Variants in RP1L1 observed in about 807,000 individuals in gnomAD.
RP1L1 encodes the protein retinitis pigmentosa 1-like 1 protein.
RP1L1 carries 27 observed loss-of-function variants against 15.7 expected under a neutral mutation model. The observed-to-expected ratio is 1.72, with a 90% CI of 1.27 to 2.38. RP1L1 has a LOEUF of 2.38. Ranked by LOEUF, RP1L1 falls within the 30% of genes most tolerant of loss-of-function variation. The probability of loss-of-function intolerance (pLI) is 0.00; values close to 1 mark genes in which losing one functional copy is unlikely to be tolerated. For missense variants in RP1L1, 4,798 were observed against 3,075.9 expected, an observed-to-expected ratio of 1.56 and a Z score of -13.24; for synonymous variants, 1,813 against 1,276.7, an observed-to-expected ratio of 1.42 and a Z score of -8.96.
At chr8:10,652,626 T>C (rs1798579286) in intron 1 of RP1L1, among the ~76,000 whole-genome samples, 1 of 152,030 alleles carries the variant, frequency 6.6e-6, no homozygotes, top group Non-Finnish European at 1.5e-5. Context: ...CCAAATTCAA[T>C]GCTTTTGGCT....
In RP1L1 at chr8:10,612,740, G is replaced by A. The variant is rs373774566; in HGVS notation, c.1358C>T (p.Ala453Val). ...AGRERCSQDS[A>V]SPASSTGLPE... ...GAGGCCGGTGCTGGAGGCTGGGCTGGCACTGTCCTGGCTGCATCTCTCCCT... is the reference window on the plus strand; with the variant it reads ...GAGGCCGGTGCTGGAGGCTGGGCTGACACTGTCCTGGCTGCATCTCTCCCT... The change falls in exon 4 of 4, where the codon GCC becomes GTC. Residue 453 changes from alanine to valine, a missense_variant. Ala to Val is a moderately conservative substitution (Grantham distance 64). Transcript: ENST00000382483. 9.0e-5 allele frequency: 145 copies of A among 1,607,216 alleles called. No individual in the cohort carries two copies. The African/African-American group carries it at 1.7e-3, about 19-fold the overall frequency.
Position 10,651,971 on chromosome 8 carries a change from C to A in RP1L1, c.-20+2927G>T, listed in dbSNP as rs1798569686. Among the ~76,000 whole-genome samples the A allele has an allele frequency of 2.0e-5, 3 of 152,108 alleles. No homozygotes were observed. The South Asian group carries it at 6.2e-4, about 32-fold the overall frequency. ...ATACTGTATCTGTACTGTTTCTTTT[C>A]CATGTTTAGAAACACAGATATTTCA... is the stretch of plus-strand genomic sequence containing the variant. On this transcript the variant is annotated intron_variant, in intron 1 of 3. Coordinates refer to ENST00000382483, the MANE Select transcript of RP1L1 (RefSeq NM_178857.6).
chr8:10,645,346 A>G (rs1345701065), intron 1 of RP1L1, among the ~76,000 whole-genome samples: 1 of 152,124 alleles, frequency 6.6e-6, no homozygotes, highest in Non-Finnish European at 1.5e-5. Flanking sequence ...CAAATGAACA[A>G]ACAAAAATAT....
chr8:10,625,683 T>G (rs1798145372), intron 1 of RP1L1, among the ~76,000 whole-genome samples: 1 of 152,134 alleles, frequency 6.6e-6, no homozygotes, highest in Admixed American at 6.5e-5. Context: ...TGGAGGAGGC[T>G]CCAACATTTT....
intron 1 of RP1L1, among the ~76,000 whole-genome samples, chr8:10,644,697 C>T (rs1475560926): frequency 6.6e-6 from 1 of 152,206 alleles, no homozygotes; most frequent in African/African-American, 2.4e-5. Flanking sequence ...AAGCTGGCAC[C>T]AGGAGGAGCC....
rs771565443 is a variant in RP1L1, at chr8:10,610,048, T to C, written c.4050A>G (p.Gln1350=). The C allele has an allele frequency of 1.3e-5, 17 of 1,290,906 alleles. 1 individual carries two copies. The East Asian group carries it at 1.4e-4, about 10-fold the overall frequency. 80.0% of individuals were successfully genotyped at this position (1,290,906 alleles called of 1,614,324 possible). ...TTTCCTCTAACTGCGCCTCTTCTTC[T>C]TGCTGTCCTTCTCCTTCTGTTTCTT... ...ETKETEGEGQ[Q]EEEAQLEEIE... is the part of the protein sequence containing the mutation. The change falls in exon 4 of 4, where the codon CAA becomes CAG. Residue 1350 remains glutamine (Q), a synonymous_variant. Transcript: ENST00000382483.
At chr8:10,640,044 T>G (rs1205750815) in intron 1 of RP1L1, among the ~76,000 whole-genome samples, 1 of 152,196 alleles carries the variant, frequency 6.6e-6, no homozygotes, top group African/African-American at 2.4e-5. Context: ...CTACTTTGTT[T>G]TAAAAACAAA....
chr8:10,645,399 G>A (rs1240760046), intron 1 of RP1L1, among the ~76,000 whole-genome samples: 1 of 152,146 alleles, frequency 6.6e-6, no homozygotes, highest in Admixed American at 6.5e-5. Context: ...GACACATAAG[G>A]AAAAGGTAAA....
intron 1 of RP1L1, among the ~76,000 whole-genome samples, chr8:10,624,863 G>C (rs766610523): frequency 6.6e-6 from 1 of 152,256 alleles, no homozygotes; most frequent in East Asian, 1.9e-4. Flanking sequence ...CTGTCTTGTC[G>C]AACAGGAAGA....
chr8:10,631,148 G>C (rs757855766), intron 1 of RP1L1, among the ~76,000 whole-genome samples: 1 of 152,056 alleles, frequency 6.6e-6, no homozygotes, highest in Non-Finnish European at 1.5e-5. Context: ...TCAACCAGCA[G>C]GATATTTTAG....
At chr8:10,622,335 CAAAAAAAAA>C (rs34315849) in intron 2 of RP1L1, among the ~76,000 whole-genome samples, 1 of 102,282 alleles carries the variant, frequency 9.8e-6, no homozygotes, top group African/African-American at 3.8e-5. Context: ...AAAACAAAGC[CAAAAAAAAA>C]AAAAAAAAGA....
At position 10,610,341 on chromosome 8, in the gene RP1L1, G is replaced by T. The variant is rs376065617; in HGVS notation, c.3757C>A (p.Gln1253Lys). Residue 1253 changes from glutamine to lysine, a missense_variant, in exon 4 of 4, where the codon CAA becomes AAA. Gln to Lys is a moderately conservative substitution (Grantham distance 53). Transcript: ENST00000382483. ...TYESPGDLEN[Q>K]QQCCFPTFLN... ...AAGGTTGGGAAACAACACTGCTGTT[G>T]GTTTTCCAGATCCCCTGGGCTCTCA... 10 of 1,614,060 alleles carry T rather than the reference G, an allele frequency of 6.2e-6. No homozygotes were observed. The African/African-American group carries it at 8.0e-5, about 13-fold the overall frequency.
chr8:10,608,793 C>G lies in RP1L1; in HGVS notation c.5305G>C (p.Ala1769Pro), dbSNP rs1431288022. Reference sequence around the variant, plus strand: ...TGGGTTTTCCCTTCTCTCTCCTGAGCCATTGCATCTCCCTCTGCCTCCCCG... The same window carrying G: ...TGGGTTTTCCCTTCTCTCTCCTGAGGCATTGCATCTCCCTCTGCCTCCCCG... The part of the protein sequence containing the change: ...KLGEAEGDAM[A>P]QEREGKTHNS... The change falls in exon 4 of 4, where the codon GCT (alanine) becomes CCT (proline). Residue 1769 changes from alanine (A) to proline (P), a missense_variant. Coordinates refer to ENST00000382483, the MANE Select transcript of RP1L1 (RefSeq NM_178857.6). 1.2e-6 allele frequency: 2 copies of G among 1,614,218 alleles called. No individual in the cohort carries two copies. The highest frequency in any genetic ancestry group is 2.2e-5 in the East Asian group (1 of 44,880).
rs201031179 is a variant in RP1L1, at chr8:10,608,903, G to A, written c.5195C>T (p.Pro1732Leu). 65 of 1,613,908 alleles carry A rather than the reference G, an allele frequency of 4.0e-5. 1 individual carries two copies. In the African/African-American group the frequency reaches 6.5e-4, roughly 16 times the overall value. ...TVQGAEGGLG[P>L]GLSQGPGVDE... ...CACTCCAGGCCCCTGGCTCAGCCCC[G>A]GCCCCAGCCCTCCCTCAGCTCCCTG... The change falls in exon 4 of 4, where the codon CCG (proline) becomes CTG (leucine). Residue 1732 changes from proline (P) to leucine (L), a missense_variant. By Grantham distance (98) the Pro-to-Leu change is moderately conservative. Coordinates refer to ENST00000382483, the MANE Select transcript of RP1L1 (RefSeq NM_178857.6).
Position 10,610,024 on chromosome 8 carries a change from T to A in RP1L1, c.4074A>T (p.Glu1358Asp). ...GCCCTTCTCCTCCTGTTTCTTCAAT[T>A]TCCTCTAACTGCGCCTCTTCTTCTT... is the stretch of plus-strand genomic sequence containing the variant. ...GQQEEEAQLE[E>D]IEETGGEGLQ... Residue 1358 changes from glutamate (E) to aspartate (D), a missense_variant, in exon 4 of 4, where the codon GAA becomes GAT. Physicochemically the swap from Glu to Asp is conservative, Grantham distance 45 (BLOSUM62 2). Coordinates refer to ENST00000382483, the MANE Select transcript of RP1L1 (RefSeq NM_178857.6). 4 of 1,488,820 alleles carry A rather than the reference T, an allele frequency of 2.7e-6. No homozygotes were observed. Among genetic ancestry groups the A allele is most frequent in the Non-Finnish European group, 2.7e-6 (3 of 1,106,052 alleles). 92.2% of individuals were successfully genotyped at this position (1,488,820 alleles called of 1,614,324 possible). A position where few individuals can be genotyped will look rare whatever the true frequency, so the allele number is the denominator to read the frequency against.
chr8:10,647,737 A>G (rs1030926614), intron 1 of RP1L1, among the ~76,000 whole-genome samples: 5 of 152,094 alleles, frequency 3.3e-5, no homozygotes, highest in African/African-American at 9.7e-5. Context: ...TTATCCATTC[A>G]CTTATTGATG....
chr8:10,631,558 C>A (rs1440489954), intron 1 of RP1L1, among the ~76,000 whole-genome samples: 1 of 152,192 alleles, frequency 6.6e-6, no homozygotes, highest in Non-Finnish European at 1.5e-5. Flanking sequence ...ACTGTTCCTA[C>A]AGTTACCTAG....
chr8:10,638,801 G>C lies in RP1L1; in HGVS notation c.-19-15581C>G, dbSNP rs577655754. Among the ~76,000 whole-genome samples the C allele has an allele frequency of 2.0e-5, 3 of 152,254 alleles. No homozygotes were observed. In the East Asian group the frequency reaches 5.8e-4, roughly 29 times the overall value. On this transcript the variant is annotated intron_variant, in intron 1 of 3. Transcript: ENST00000382483. Reference sequence around the variant, plus strand: ...TTGCTGCCCAGTGGATCATTAAGAAGCTGCAGCTGGGCAGTGGGACCCACG... The same window carrying C: ...TTGCTGCCCAGTGGATCATTAAGAACCTGCAGCTGGGCAGTGGGACCCACG...
chr8:10,610,823 G>C lies in RP1L1; in HGVS notation c.3275C>G (p.Ser1092Cys). ...CACGCTGCTGGGCCGGCCCTGCTTGGAGCCCATCAGCGCCCTCATGATCTG... is the reference window on the plus strand; with the variant it reads ...CACGCTGCTGGGCCGGCCCTGCTTGCAGCCCATCAGCGCCCTCATGATCTG... ...STQIMRALMG[S>C]KQGRPSSVPE... The change falls in exon 4 of 4, where the codon TCC becomes TGC. Residue 1092 changes from serine (S) to cysteine (C), a missense_variant. Ser to Cys is a moderately radical substitution (Grantham distance 112, BLOSUM62 -1). Coordinates refer to ENST00000382483, the MANE Select transcript of RP1L1 (RefSeq NM_178857.6). The C allele has an allele frequency of 6.2e-7, 1 of 1,607,946 alleles. No individual in the cohort carries two copies. The highest frequency in any genetic ancestry group is 8.5e-7 in the Non-Finnish European group (1 of 1,176,292).
Sources: allele counts gnomAD v4.1 joint callset (sites outside exome capture counted in the v4.1 genomes callset), GRCh38; gene constraint gnomAD v4.1.1; transcripts MANE v1.5; gene names NCBI Gene and HGNC (gene_info 2026-07-23, HGNC 2026-07-21).